CFLAR: variants seen among roughly 807,000 people sequenced by gnomAD.
CFLAR encodes CASP8 and FADD-like apoptosis regulator.
In CFLAR, 14 loss-of-function variants were observed where a neutral mutation model predicts 51.1. That is an observed-to-expected ratio of 0.27 (90% CI 0.18 to 0.43). The LOEUF (loss-of-function observed/expected upper bound fraction) is 0.43. Ranked by LOEUF, CFLAR falls within the 20% of genes least tolerant of loss-of-function variation. The pLI, the probability that CFLAR is intolerant of heterozygous loss-of-function variation, is 1.00. For missense variants in CFLAR, 390 were observed against 566.5 expected (o/e 0.69, Z 3.16); for synonymous variants, 210 against 211.6 (o/e 0.99, Z 0.06).
At chr2:201,121,043 T>G (rs2048145791) in intron 1 of CFLAR, among the ~76,000 whole-genome samples, 1 of 151,570 alleles carries the variant, frequency 6.6e-6, no homozygotes, top group South Asian at 2.1e-4. Context: ...TGGAGCTCCC[T>G]TTCTGGTTGG....
Position 201,169,338 on chromosome 2 carries a change from C to T in CFLAR, c.*5365C>T, listed in dbSNP as rs1467165372. ...CTACAGCCATCTGATCATCGACAAA[C>T]CTGACAAAAACAAGCAATGGGGAAA... On this transcript the variant is annotated 3_prime_UTR_variant, in exon 10 of 10. Coordinates refer to ENST00000309955, the MANE Select transcript of CFLAR (RefSeq NM_003879.7). The T allele has an allele frequency of 1.3e-5, 2 of 152,056 alleles. No individual in the cohort carries two copies. Among genetic ancestry groups the T allele is most frequent in the Non-Finnish European group, 2.9e-5 (2 of 67,996 alleles). 9.4% of individuals were successfully genotyped at this position (152,056 alleles called of 1,614,324 possible). A position where few individuals can be genotyped will look rare whatever the true frequency, so the allele number is the denominator to read the frequency against.
intron 2 of CFLAR, 161 bp from the exon 3 acceptor site, chr2:201,132,868 C>T (rs962860072): frequency 2.2e-5 from 13 of 592,368 alleles, no homozygotes; most frequent in Non-Finnish European, 3.4e-5. Context: ...AAGATCTCTT[C>T]CTGGGGTGAT....
chr2:201,128,311 T>A (rs1336557212), intron 1 of CFLAR, among the ~76,000 whole-genome samples: 1 of 152,178 alleles, frequency 6.6e-6, no homozygotes, highest in East Asian at 1.9e-4. Flanking sequence ...CCAGAACACA[T>A]AAAATTTGTA....
Position 201,132,872 on chromosome 2 carries a change from G to A in CFLAR, c.282-157G>A, listed in dbSNP as rs540242474. ...TGAGGTCCCTTAAGATCTCTTCCTG[G>A]GGTGATCTAGGCTTGCTGTTTTATG... On this transcript the variant is annotated intron_variant, in intron 2 of 9. Transcript: ENST00000309955. The A allele has an allele frequency of 9.6e-4, 581 of 602,604 alleles. 3 individuals are homozygous for A. Among genetic ancestry groups the A allele is most frequent in the South Asian group, 1.7e-3 (57 of 32,854 alleles). The allele number at this position is 602,604 out of a possible 1,614,324, so 37.3% of individuals were successfully genotyped here.
intron 5 of CFLAR, 52 bp from the exon 6 acceptor site, chr2:201,145,326 G>A (rs747139179): frequency 3.7e-5 from 39 of 1,052,670 alleles, no homozygotes; most frequent in Middle Eastern, 2.1e-4. Context: ...AATGTATAGT[G>A]TACCTCTGAA....
In CFLAR at chr2:201,164,842, A is replaced by G. The variant is rs578150585; in HGVS notation, c.*869A>G. 6.6e-6 allele frequency: 1 copy of G among 152,234 alleles called. No individual in the cohort carries two copies. Among genetic ancestry groups the G allele is most frequent in the African/African-American group, 2.4e-5 (1 of 41,462 alleles). The allele number at this position is 152,234 out of a possible 1,614,324, so 9.4% of individuals were successfully genotyped here. A position where few individuals can be genotyped will look rare whatever the true frequency, so the allele number is the denominator to read the frequency against. On this transcript the variant is annotated 3_prime_UTR_variant, in exon 10 of 10. Transcript: ENST00000309955. ...ACAGTTCCGGAGGCTGGGAAATCCA[A>G]CATCTAAGTGGTAGCATATCTGGTG...
intron 1 of CFLAR, among the ~76,000 whole-genome samples, chr2:201,123,899 A>G (rs2048432337): frequency 6.6e-6 from 1 of 152,172 alleles, no homozygotes; most frequent in Admixed American, 6.5e-5. Flanking sequence ...TCATGTTCAT[A>G]TCTCCACTGG....
At chr2:201,163,255 T>C in intron 9 of CFLAR, 1 of 1,290,714 alleles carries the variant, frequency 7.7e-7, no homozygotes, top group East Asian at 3.1e-5. Context: ...TTGGCAAGAA[T>C]ACTTTTCTAA....
chr2:201,155,791 T>A (rs1942078367), intron 8 of CFLAR, among the ~76,000 whole-genome samples: 1 of 152,050 alleles, frequency 6.6e-6, no homozygotes. Context: ...ATCCATCTAA[T>A]TTTTAAAATA....
At position 201,131,389 on chromosome 2, in the gene CFLAR, CTA is replaced by C. The variant is rs566805831; in HGVS notation, c.281+1245_281+1246del. Among the ~76,000 whole-genome samples the C allele has an allele frequency of 1.0e-3, 159 of 152,250 alleles. 1 individual carries two copies. Among genetic ancestry groups the C allele is most frequent in the African/African-American group, 3.6e-3 (148 of 41,530 alleles). ...TAGCTGGGATTACAGGCACGCACCA[CTA>C]TGTCTGGCTAATTATTGTATTTTTA... On this transcript the variant is annotated intron_variant, in intron 2 of 9. Coordinates refer to ENST00000309955, the MANE Select transcript of CFLAR (RefSeq NM_003879.7).
At chr2:201,140,959 G>A (rs529017219) in intron 5 of CFLAR, among the ~76,000 whole-genome samples, 3 of 152,142 alleles carry the variant, frequency 2.0e-5, no homozygotes, top group South Asian at 2.1e-4. Context: ...GCCCGGGTGC[G>A]GTGGCTCATG....
At chr2:201,135,785 C>A (rs994682661) in intron 3 of CFLAR, among the ~76,000 whole-genome samples, 187 bp from the exon 4 acceptor site, 4 of 152,012 alleles carry the variant, frequency 2.6e-5, no homozygotes, top group African/African-American at 7.3e-5. Context: ...CCAACACACT[C>A]AGCTTATTTT....
In CFLAR at chr2:201,132,432, T is replaced by A. The variant is rs562723187; in HGVS notation, c.282-597T>A. 9.9e-3 allele frequency among the ~76,000 whole-genome samples: 1,071 copies of A among 108,514 alleles called. 6 individuals are homozygous for A. Among genetic ancestry groups the A allele is most frequent in the African/African-American group, 0.03 (714 of 23,562 alleles). 71.2% of individuals were successfully genotyped at this position (108,514 alleles called of 152,430 possible). A position where few individuals can be genotyped will look rare whatever the true frequency, so the allele number is the denominator to read the frequency against. ...AGTCTATTTCCTAGGGGGGGAAAAA[T>A]ATATATATATATATATATATATAGT... is the stretch of plus-strand genomic sequence containing the variant. On this transcript the variant is annotated intron_variant, in intron 2 of 9. Transcript: ENST00000309955.
intron 3 of CFLAR, among the ~76,000 whole-genome samples, chr2:201,135,520 A>G (rs1425415351): frequency 6.6e-6 from 1 of 152,168 alleles, no homozygotes; most frequent in Non-Finnish European, 1.5e-5. Context: ...CTCATGACAG[A>G]GATGTCTGGT....
rs1050189721 is a variant in CFLAR, at chr2:201,175,457, C to G, written c.*11484C>G. 6 of 152,936 alleles carry G rather than the reference C, an allele frequency of 3.9e-5. No individual in the cohort carries two copies. The East Asian group carries it at 1.2e-3, about 29-fold the overall frequency. 9.5% of individuals were successfully genotyped at this position (152,936 alleles called of 1,614,324 possible). A position where few individuals can be genotyped will look rare whatever the true frequency, so the allele number is the denominator to read the frequency against. On this transcript the variant is annotated 3_prime_UTR_variant, in exon 10 of 10. Transcript: ENST00000309955. Reference sequence around the variant, plus strand: ...TGGGCAACACGGCAAAACCCTGTCTCTACTAAAAATACAAAAATTAGCTGG... The same window carrying G: ...TGGGCAACACGGCAAAACCCTGTCTGTACTAAAAATACAAAAATTAGCTGG...
Position 201,171,498 on chromosome 2 carries a change from T to C in CFLAR, c.*7525T>C, listed in dbSNP as rs1006108349. On this transcript the variant is annotated 3_prime_UTR_variant, in exon 10 of 10. Coordinates refer to ENST00000309955, the MANE Select transcript of CFLAR (RefSeq NM_003879.7). ...GAGATCAACACACACTGGGGCCTGATGCAGGGGCCGTAGCGGGGAGAGCAT... is the reference window on the plus strand; with the variant it reads ...GAGATCAACACACACTGGGGCCTGACGCAGGGGCCGTAGCGGGGAGAGCAT... 3 of 152,100 alleles carry C rather than the reference T, an allele frequency of 2.0e-5. No homozygotes were observed. Among genetic ancestry groups the C allele is most frequent in the African/African-American group, 7.2e-5 (3 of 41,398 alleles). The allele number at this position is 152,100 out of a possible 1,614,324, so 9.4% of individuals were successfully genotyped here.
Position 201,122,103 on chromosome 2 carries a change from G to A in CFLAR, c.-138+5622G>A, listed in dbSNP as rs143106194. On this transcript the variant is annotated intron_variant, in intron 1 of 9. Transcript: ENST00000309955. ...CTGAAGCATTAAAATCTTACATCTT[G>A]CTTAAACTCAGGCAGCTTGACCTGT... is the stretch of plus-strand genomic sequence containing the variant. Among the ~76,000 whole-genome samples, 489 of 152,288 alleles carry A rather than the reference G, an allele frequency of 3.2e-3. 2 individuals carry two copies. Among genetic ancestry groups the A allele is most frequent in the African/African-American group, 0.011 (472 of 41,554 alleles).
intron 8 of CFLAR, among the ~76,000 whole-genome samples, chr2:201,158,436 T>G (rs1942533303): frequency 6.6e-6 from 1 of 152,206 alleles, no homozygotes; most frequent in Non-Finnish European, 1.5e-5. Context: ...CATTTATCAG[T>G]GAAGAGAGGT....
chr2:201,161,939 G>T (rs1191334201), intron 9 of CFLAR, among the ~76,000 whole-genome samples: 1 of 151,738 alleles, frequency 6.6e-6, no homozygotes, highest in African/African-American at 2.4e-5. Context: ...TGGAGACAGG[G>T]TTTCCACCAT....
Sources: gnomAD v4.1 joint callset for allele counts (sites outside exome capture counted in the v4.1 genomes callset) on GRCh38, gnomAD v4.1.1 for gene constraint, MANE v1.5 for transcripts, NCBI Gene and HGNC (gene_info 2026-07-23, HGNC 2026-07-21) for gene names.